The following PDX1 variants were observed in gnomAD, a reference collection of about 807,000 sequenced individuals.
PDX1 encodes pancreas/duodenum homeobox protein 1.
A neutral mutation model predicts 11.1 loss-of-function variants in PDX1; 7 were observed. That is an observed-to-expected ratio of 0.63 (90% confidence interval 0.36 to 1.19). The LOEUF is 1.19. Among genes scored for constraint, PDX1 ranks in the 50% most tolerant of loss-of-function variants. The pLI, the probability that PDX1 is intolerant of heterozygous loss-of-function variation, is 0.02. For missense variants in PDX1, 449 were observed against 412.1 expected (o/e 1.09, Z -0.78); for synonymous variants, 232 against 196.2 (o/e 1.18, Z -1.53).
rs1245021844 is a variant in PDX1, at chr13:27,924,865, A to C, written c.*164A>C. On this transcript the variant is annotated 3_prime_UTR_variant, in exon 2 of 2. Transcript: ENST00000381033. The surrounding 1 kb of genome is among the most constrained non-coding windows in gnomAD (Gnocchi z 4.8). The stretch of plus-strand genomic sequence containing the variant: ...GGGGAAAACCCGCTCTCTCAGGCGC[A>C]TGTGCCAGTTGGGGCCCCGCGGGTA... 1 of 577,578 alleles carries C rather than the reference A, an allele frequency of 1.7e-6. No individual in the cohort carries two copies. Among genetic ancestry groups the C allele is most frequent in the South Asian group, 5.7e-5 (1 of 17,518 alleles). 35.8% of individuals were successfully genotyped at this position (577,578 alleles called of 1,614,324 possible).
At position 27,925,391 on chromosome 13, in the gene PDX1, C is replaced by G. The variant is rs891123842; in HGVS notation, c.*690C>G. On this transcript the variant is annotated 3_prime_UTR_variant, in exon 2 of 2. Coordinates refer to ENST00000381033, the MANE Select transcript of PDX1 (RefSeq NM_000209.4). ...CCTCCTGCTCTCCTTTCCTCCCCCT[C>G]CTCTTTCTCCTCCTCCTCCTCTTCT... 2 of 151,750 alleles carry G rather than the reference C, an allele frequency of 1.3e-5. No individual in the cohort carries two copies. Among genetic ancestry groups the G allele is most frequent in the African/African-American group, 5.6e-5 (2 of 35,612 alleles). 9.4% of individuals were successfully genotyped at this position (151,750 alleles called of 1,614,324 possible).
rs886275720 is a variant in PDX1 at position 27,925,944 on chromosome 13, G to C, written c.*1243G>C. On this transcript the variant is annotated 3_prime_UTR_variant, in exon 2 of 2. Coordinates refer to ENST00000381033, the MANE Select transcript of PDX1 (RefSeq NM_000209.4). ...GACGTAATTCCTGTTCCGAGGTAGA[G>C]GCTGTGCTGAAGACAAGCACAGTGG... 4.6e-5 allele frequency: 7 copies of C among 152,292 alleles called. No individual in the cohort carries two copies. Among genetic ancestry groups the C allele is most frequent in the Non-Finnish European group, 8.8e-5 (6 of 68,108 alleles). 9.4% of individuals were successfully genotyped at this position (152,292 alleles called of 1,614,324 possible). A position where few individuals can be genotyped will look rare whatever the true frequency, so the allele number is the denominator to read the frequency against.
rs762537557 is a variant in PDX1 at position 27,924,207 on chromosome 13, G to A, written c.407-49G>A. On this transcript the variant is annotated intron_variant, in intron 1 of 1. Coordinates refer to ENST00000381033, the MANE Select transcript of PDX1 (RefSeq NM_000209.4). This position sits in a 1 kb window ranked among gnomAD's most constrained non-coding sequence, Gnocchi z 4.8. ...GAAGGGGTTGGGCTGCGTGGGTGGGGGCTGTGCGGGGCTCCGGGGGCCACA... is the reference window on the plus strand; with the variant it reads ...GAAGGGGTTGGGCTGCGTGGGTGGGAGCTGTGCGGGGCTCCGGGGGCCACA... 10 of 1,479,938 alleles carry A rather than the reference G, an allele frequency of 6.8e-6. No homozygotes were observed. The highest frequency in any genetic ancestry group is 6.1e-5 in the Admixed American group (3 of 48,834). 91.7% of individuals were successfully genotyped at this position (1,479,938 alleles called of 1,614,324 possible).
chr13:27,922,573 C>G (rs1261883943), intron 1 of PDX1, among the ~76,000 whole-genome samples: 1 of 152,238 alleles, frequency 6.6e-6, no homozygotes, highest in Non-Finnish European at 1.5e-5. Flanking sequence ...GCAGCGCTGT[C>G]CAGCTGGCAC....
chr13:27,923,273 G>A (rs1241020788), intron 1 of PDX1, among the ~76,000 whole-genome samples: 1 of 152,188 alleles, frequency 6.6e-6, no homozygotes, highest in African/African-American at 2.4e-5. Flanking sequence ...GCGTCCTGTT[G>A]CCTCTTGGAG....
rs1957811933 is a variant in PDX1 at position 27,924,577 on chromosome 13, C to CG, written c.728_729insG (p.Gly245ArgfsTer22). 3 of 1,505,358 alleles carry CG rather than the reference C, an allele frequency of 2.0e-6. No individual in the cohort carries two copies. The African/African-American group carries it at 4.3e-5, about 22-fold the overall frequency. The allele number at this position is 1,505,358 out of a possible 1,614,324, so 93.3% of individuals were successfully genotyped here. The stretch of plus-strand genomic sequence containing the variant: ...CTTCTGGCGCTGCCGCCGCCGCCGC[C>CG]CCCCGGAGGTGCTGTGCCGCCCGCT... On this transcript the variant is annotated frameshift_variant, in exon 2 of 2. Coordinates refer to ENST00000381033, the MANE Select transcript of PDX1 (RefSeq NM_000209.4). LOFTEE classifies it low-confidence loss of function (END_TRUNC). The surrounding 1 kb of genome is among the most constrained non-coding windows in gnomAD (Gnocchi z 4.8).
chr13:27,924,143 G>C lies in PDX1; in HGVS notation c.407-113G>C. ...GATGCTGGGGCTTGGTGGCTCCGGC[G>C]GGAGCAGCTGGTAGGGCTAGGGCTC... On this transcript the variant is annotated intron_variant, in intron 1 of 1. Coordinates refer to ENST00000381033, the MANE Select transcript of PDX1 (RefSeq NM_000209.4). This position sits in a 1 kb window ranked among gnomAD's most constrained non-coding sequence, Gnocchi z 4.8. 1 of 897,588 alleles carries C rather than the reference G, an allele frequency of 1.1e-6. No homozygotes were observed. Among genetic ancestry groups the C allele is most frequent in the Non-Finnish European group, 1.6e-6 (1 of 618,990 alleles). 55.6% of individuals were successfully genotyped at this position (897,588 alleles called of 1,614,324 possible).
rs1957822565 is a variant in PDX1 at position 27,925,952 on chromosome 13, T to C, written c.*1251T>C. 2 of 152,416 alleles carry C rather than the reference T, an allele frequency of 1.3e-5. No homozygotes were observed. Among genetic ancestry groups the C allele is most frequent in the South Asian group, 2.1e-4 (1 of 4,828 alleles). The allele number at this position is 152,416 out of a possible 1,614,324, so 9.4% of individuals were successfully genotyped here. ...TCCTGTTCCGAGGTAGAGGCTGTGCTGAAGACAAGCACAGTGGCCTGGTGC... is the reference window on the plus strand; with the variant it reads ...TCCTGTTCCGAGGTAGAGGCTGTGCCGAAGACAAGCACAGTGGCCTGGTGC... On this transcript the variant is annotated 3_prime_UTR_variant, in exon 2 of 2. Coordinates refer to ENST00000381033, the MANE Select transcript of PDX1 (RefSeq NM_000209.4).
Position 27,920,508 on chromosome 13 carries a change from T to C in PDX1, c.370T>C (p.Ser124Pro). ...RVQLPFPWMK[S>P]TKAHAWKGQW... ...CCAGCTGCCTTTCCCATGGATGAAG[T>C]CTACCAAAGCTCACGCGTGGAAAGG... Residue 124 changes from serine (S) to proline (P), a missense_variant, in exon 1 of 2, where the codon TCT becomes CCT. Around this residue, in one of 3 missense-constraint regions of PDX1, gnomAD observed 263 missense variants for 212.5 expected, o/e 1.24. Transcript: ENST00000381033. 1.2e-6 allele frequency: 2 copies of C among 1,612,832 alleles called. No individual in the cohort carries two copies. Among genetic ancestry groups the C allele is most frequent in the East Asian group, 4.5e-5 (2 of 44,844 alleles).
rs1957771274 is a variant in PDX1 at position 27,920,153 on chromosome 13, G to A, written c.15G>A (p.Glu5=). ...GGGCCGCAGCCATGAACGGCGAGGA[G>A]CAGTACTACGCGGCCACGCAGCTTT... is the stretch of plus-strand genomic sequence containing the variant. MNGE[E]QYYAATQLYK... is the part of the protein sequence containing the mutation. Residue 5 remains glutamate (E), a synonymous_variant, in exon 1 of 2, where the codon GAG becomes GAA. Coordinates refer to ENST00000381033, the MANE Select transcript of PDX1 (RefSeq NM_000209.4). 1 of 1,549,790 alleles carries A rather than the reference G, an allele frequency of 6.5e-7. No individual in the cohort carries two copies. The highest frequency in any genetic ancestry group is 8.7e-7 in the Non-Finnish European group (1 of 1,146,652).
At position 27,925,006 on chromosome 13, in the gene PDX1, C is replaced by A; in HGVS notation, c.*305C>A. 1 of 345,096 alleles carries A rather than the reference C, an allele frequency of 2.9e-6. No individual in the cohort carries two copies. Among genetic ancestry groups the A allele is most frequent in the Non-Finnish European group, 5.1e-6 (1 of 194,388 alleles). 21.4% of individuals were successfully genotyped at this position (345,096 alleles called of 1,614,324 possible). ...GGCTGTTGCGCACATCCCTGCCCTC[C>A]TACAGCACTCCACCTTGGGACCTGT... is the stretch of plus-strand genomic sequence containing the variant. On this transcript the variant is annotated 3_prime_UTR_variant, in exon 2 of 2. Transcript: ENST00000381033.
chr13:27,920,368 C>T lies in PDX1; in HGVS notation c.230C>T (p.Pro77Leu). ...GAGGTGCCCCCCCTCGCCGACGACC[C>T]CGCGGTGGCGCACCTTCACCACCAC... is the stretch of plus-strand genomic sequence containing the variant. ...PYEVPPLADD[P>L]AVAHLHHHLP... Residue 77 changes from proline to leucine, a missense_variant, in exon 1 of 2, where the codon CCC becomes CTC. Pro to Leu is a moderately conservative substitution (Grantham distance 98). Around this residue, in one of 3 missense-constraint regions of PDX1, gnomAD observed 263 missense variants for 212.5 expected, o/e 1.24. Transcript: ENST00000381033. 1 of 1,546,014 alleles carries T rather than the reference C, an allele frequency of 6.5e-7. No homozygotes were observed. Among genetic ancestry groups the T allele is most frequent in the Non-Finnish European group, 8.7e-7 (1 of 1,144,864 alleles).
rs768856218 is a variant in PDX1, at chr13:27,924,277, CGGA to C, written c.433_435del (p.Glu145del). 21 of 1,606,888 alleles carry C rather than the reference CGGA, an allele frequency of 1.3e-5. No homozygotes were observed. Among genetic ancestry groups the C allele is most frequent in the South Asian group, 1.1e-4 (10 of 90,754 alleles). On this transcript the variant is annotated inframe_deletion, in exon 2 of 2. Transcript: ENST00000381033. This position sits in a 1 kb window ranked among gnomAD's most constrained non-coding sequence, Gnocchi z 4.8. ...GCAGGCGGCGCCTACGCTGCGGAGC[CGGA>C]GGAGAACAAGCGGACGCGCACGGCC...
rs1401729398 is a variant in PDX1, at chr13:27,924,496, G to C, written c.647G>C (p.Gly216Ala). Residue 216 changes from glycine to alanine, a missense_variant, in exon 2 of 2, where the codon GGG (glycine) becomes GCG (alanine). Gly to Ala is a moderately conservative substitution (Grantham distance 60, BLOSUM62 0). Coordinates refer to ENST00000381033, the MANE Select transcript of PDX1 (RefSeq NM_000209.4). The surrounding 1 kb of genome is among the most constrained non-coding windows in gnomAD (Gnocchi z 4.8). ...DKKRGGGTAV[G>A]GGGVAEPEQD... Reference sequence around the variant, plus strand: ...AAGCGCGGCGGCGGGACAGCTGTCGGGGGTGGCGGGGTCGCGGAGCCTGAG... The same window carrying C: ...AAGCGCGGCGGCGGGACAGCTGTCGCGGGTGGCGGGGTCGCGGAGCCTGAG... 1 of 1,611,958 alleles carries C rather than the reference G, an allele frequency of 6.2e-7. No homozygotes were observed. The highest frequency in any genetic ancestry group is 8.5e-7 in the Non-Finnish European group (1 of 1,179,618).
At position 27,920,339 on chromosome 13, in the gene PDX1, G is replaced by A. The variant is rs1312321223; in HGVS notation, c.201G>A (p.Pro67=). 1 of 1,540,484 alleles carries A rather than the reference G, an allele frequency of 6.5e-7. No individual in the cohort carries two copies. Among genetic ancestry groups the A allele is most frequent in the Non-Finnish European group, 8.8e-7 (1 of 1,140,520 alleles). Residue 67 remains proline (P), a synonymous_variant, in exon 1 of 2, where the codon CCG becomes CCA. Coordinates refer to ENST00000381033, the MANE Select transcript of PDX1 (RefSeq NM_000209.4). Reference sequence around the variant, plus strand: ...AGGGCAGCCCCCCGGACATCTCCCCGTACGAGGTGCCCCCCCTCGCCGACG... The same window carrying A: ...AGGGCAGCCCCCCGGACATCTCCCCATACGAGGTGCCCCCCCTCGCCGACG... The part of the protein sequence containing the change: ...LEQGSPPDIS[P]YEVPPLADDP...
At position 27,920,254 on chromosome 13, in the gene PDX1, G is replaced by C; in HGVS notation, c.116G>C (p.Gly39Ala). 1 of 1,543,554 alleles carries C rather than the reference G, an allele frequency of 6.5e-7. No homozygotes were observed. Among genetic ancestry groups the C allele is most frequent in the Non-Finnish European group, 8.7e-7 (1 of 1,144,108 alleles). ...SASPPACLYM[G>A]RQPPPPPPHP... The stretch of plus-strand genomic sequence containing the variant: ...AGCCCCCCTGCGTGCCTGTACATGG[G>C]CCGCCAGCCCCCGCCGCCGCCGCCG... Residue 39 changes from glycine (G) to alanine (A), a missense_variant, in exon 1 of 2, where the codon GGC (glycine) becomes GCC (alanine). Physicochemically the swap from Gly to Ala is moderately conservative, Grantham distance 60. Around this residue, in one of 3 missense-constraint regions of PDX1, gnomAD observed 263 missense variants for 212.5 expected, o/e 1.24. Coordinates refer to ENST00000381033, the MANE Select transcript of PDX1 (RefSeq NM_000209.4).
chr13:27,922,371 G>C (rs1167388548), intron 1 of PDX1, among the ~76,000 whole-genome samples: 1 of 152,186 alleles, frequency 6.6e-6, no homozygotes. Flanking sequence ...TCTTCCCCTG[G>C]AAGCCGTCTG....
rs9319402 is a variant in PDX1 at position 27,926,043 on chromosome 13, G to A, written c.*1342G>A. On this transcript the variant is annotated 3_prime_UTR_variant, in exon 2 of 2. Coordinates refer to ENST00000381033, the MANE Select transcript of PDX1 (RefSeq NM_000209.4). The stretch of plus-strand genomic sequence containing the variant: ...TCACATCTTTAGAAATTATGAAAAC[G>A]TATGTGATTGGAGGGTTTGGAAAAC... 0.19 allele frequency: 28,487 copies of A among 152,190 alleles called. 3,298 individuals are homozygous for A. The highest frequency in any genetic ancestry group is 0.29 in the South Asian group (1,392 of 4,814). 9.4% of individuals were successfully genotyped at this position (152,190 alleles called of 1,614,324 possible). A position where few individuals can be genotyped will look rare whatever the true frequency, so the allele number is the denominator to read the frequency against.
chr13:27,920,683 C>T, intron 1 of PDX1, 139 bp downstream of exon 1: 1 of 848,232 alleles, frequency 1.2e-6, no homozygotes, highest in Admixed American at 2.0e-5. Context: ...AGGGAGCTAC[C>T]GAGCCCATCC....
Sources: gnomAD v4.1 joint callset for allele counts (sites outside exome capture counted in the v4.1 genomes callset) on GRCh38, gnomAD v4.1.1 for gene constraint, gnomAD v4.1.1 regional missense constraint, Gnocchi (gnomAD v3.1) non-coding constraint, MANE v1.5 for transcripts, NCBI Gene and HGNC (gene_info 2026-07-23, HGNC 2026-07-21) for gene names.